ODF2L: variants seen among roughly 807,000 people sequenced by gnomAD.
ODF2L encodes protein BCAP.
ODF2L carries 76 observed loss-of-function variants against 86.3 expected under a neutral mutation model. That is an observed-to-expected ratio of 0.88 (90% CI 0.73 to 1.07). The LOEUF (loss-of-function observed/expected upper bound fraction) is 1.07. Ranked by LOEUF, ODF2L falls within the 50% of genes least tolerant of loss-of-function variation. ODF2L has a pLI of 0.00. For synonymous variants in ODF2L, 241 were observed against 231.3 expected (o/e 1.04, Z -0.38); for missense variants, 748 against 717.4 (o/e 1.04, Z -0.49).
At chr1:86,370,525 G>GT (rs2101018228) in intron 10 of ODF2L, among the ~76,000 whole-genome samples, 1 of 152,064 alleles carries the variant, frequency 6.6e-6, no homozygotes, top group South Asian at 2.1e-4. Context: ...GTTCCATCTG[G>GT]TTGTATGTAT....
At chr1:86,376,060 G>T (rs1660147476) in intron 8 of ODF2L, among the ~76,000 whole-genome samples, 173 bp downstream of exon 8, 1 of 152,008 alleles carries the variant, frequency 6.6e-6, no homozygotes, top group African/African-American at 2.4e-5. Context: ...ATGAAAATTT[G>T]ACATTTTATG....
chr1:86,355,008 A>G (rs1188725585), intron 14 of ODF2L, 149 bp from the exon 14 acceptor site: 3 of 558,358 alleles, frequency 5.4e-6, no homozygotes, highest in Non-Finnish European at 9.4e-6. Flanking sequence ...AAAATGTTAT[A>G]TTGTTAAAAT....
At chr1:86,368,159 T>A (rs1223725836) in intron 11 of ODF2L, among the ~76,000 whole-genome samples, 1 of 152,204 alleles carries the variant, frequency 6.6e-6, no homozygotes, top group African/African-American at 2.4e-5. Flanking sequence ...TCTTTGATCA[T>A]GAGCCCTATC....
At chr1:86,395,225 T>C (rs910445127) in intron 1 of ODF2L, among the ~76,000 whole-genome samples, 5 of 152,210 alleles carry the variant, frequency 3.3e-5, no homozygotes. Flanking sequence ...AACCGTACTA[T>C]GCGTTGCGTG....
chr1:86,368,493 C>T (rs1426093025), intron 11 of ODF2L: 11 of 628,982 alleles, frequency 1.7e-5, no homozygotes, highest in Non-Finnish European at 2.3e-5. Flanking sequence ...AAATTTAAAA[C>T]TAGCTCCTCA....
At position 86,388,170 on chromosome 1, in the gene ODF2L, T is replaced by C. The variant is rs139249169; in HGVS notation, c.-59-1084A>G. Among the ~76,000 whole-genome samples, 9 of 152,234 alleles carry C rather than the reference T, an allele frequency of 5.9e-5. No homozygotes were observed. The East Asian group carries it at 1.7e-3, about 29-fold the overall frequency. ...GTAACCAACAGATAGTCTAGGATGA[T>C]TCCCTTGAATGCTGCAAATATGCAA... On this transcript the variant is annotated intron_variant, in intron 1 of 17. Transcript: ENST00000317336.
intron 10 of ODF2L, among the ~76,000 whole-genome samples, 176 bp downstream of exon 10, chr1:86,370,842 C>G (rs1659743433): frequency 6.6e-6 from 1 of 152,142 alleles, no homozygotes; most frequent in African/African-American, 2.4e-5. Flanking sequence ...GGCAAAGAGA[C>G]AGTCAACTTC....
At chr1:86,391,059 A>G (rs1661289652) in intron 1 of ODF2L, among the ~76,000 whole-genome samples, 1 of 152,228 alleles carries the variant, frequency 6.6e-6, no homozygotes, top group Non-Finnish European at 1.5e-5. Context: ...TCAAATCAAG[A>G]ACTCAACCAC....
rs544243820 is a variant in ODF2L at position 86,390,045 on chromosome 1, G to A, written c.-59-2959C>T. 2.8e-4 allele frequency among the ~76,000 whole-genome samples: 43 copies of A among 152,220 alleles called. No individual in the cohort carries two copies. In the East Asian group the frequency reaches 3.3e-3, roughly 12 times the overall value. On this transcript the variant is annotated intron_variant, in intron 1 of 17. Coordinates refer to ENST00000317336, the Ensembl canonical transcript of ODF2L. Reference sequence around the variant, plus strand: ...CTCCCTAAATCATTCTATGAAACCAGTATCACCCTAATGCCAAAACCAGGA... The same window carrying A: ...CTCCCTAAATCATTCTATGAAACCAATATCACCCTAATGCCAAAACCAGGA...
chr1:86,393,903 A>G (rs1661512471), intron 1 of ODF2L, among the ~76,000 whole-genome samples: 3 of 152,178 alleles, frequency 2.0e-5, no homozygotes, highest in Non-Finnish European at 4.4e-5. Flanking sequence ...TACTGTTTAA[A>G]CTCGGACACT....
intron 11 of ODF2L, among the ~76,000 whole-genome samples, chr1:86,362,528 C>T (rs1192492480): frequency 6.6e-6 from 1 of 152,088 alleles, no homozygotes; most frequent in East Asian, 1.9e-4. Flanking sequence ...TGAGCTGAGG[C>T]GATCCTCCCA....
intron 7 of ODF2L, among the ~76,000 whole-genome samples, chr1:86,381,748 A>G (rs568068541): frequency 7.9e-5 from 12 of 152,144 alleles, no homozygotes; most frequent in Non-Finnish European, 8.8e-5. Flanking sequence ...TTGTTTAATA[A>G]GGGAATTACT....
rs576362249 is a variant in ODF2L at position 86,368,723 on chromosome 1, C to A, written c.1057-1G>T. ...CAGTAATTCTACATGGGAATCTAAG[C>A]TAAAGACAATACAACAAAAAGTTTA... On this transcript the variant is annotated splice_acceptor_variant, in intron 10 of 17. Transcript: ENST00000317336. LOFTEE classifies it high-confidence loss of function. 2 of 1,432,192 alleles carry A rather than the reference C, an allele frequency of 1.4e-6. No homozygotes were observed. The highest frequency in any genetic ancestry group is 1.5e-5 in the South Asian group (1 of 64,712). The allele number at this position is 1,432,192 out of a possible 1,614,324, so 88.7% of individuals were successfully genotyped here.
At chr1:86,390,421 GA>G (rs58388853) in intron 1 of ODF2L, among the ~76,000 whole-genome samples, 47,994 of 150,108 alleles carry the variant, frequency 0.32, 7,706 homozygotes, top group East Asian at 0.41. Flanking sequence ...TCCGTCTCAA[GA>G]AAAAAAAAAT....
chr1:86,381,283 G>C (rs545452876), intron 7 of ODF2L, among the ~76,000 whole-genome samples: 2 of 152,194 alleles, frequency 1.3e-5, no homozygotes, highest in East Asian at 3.9e-4. Context: ...TATCTAATAT[G>C]TTCAATCATA....
intron 1 of ODF2L, among the ~76,000 whole-genome samples, 169 bp from the exon 2 acceptor site, chr1:86,387,255 TCATAGCA>T (rs1661021521): frequency 6.6e-6 from 1 of 152,224 alleles, no homozygotes; most frequent in Non-Finnish European, 1.5e-5. Flanking sequence ...TATCAAAATT[TCATAGCA>T]CAACCACTCA....
intron 3 of ODF2L, among the ~76,000 whole-genome samples, chr1:86,385,162 ATTTTAG>A: frequency 6.6e-6 from 1 of 151,978 alleles, no homozygotes; most frequent in East Asian, 1.9e-4. Flanking sequence ...CTCTCAGAAG[ATTTTAG>A]TTTAAAATTC....
At position 86,352,167 on chromosome 1, in the gene ODF2L, A is replaced by G. The variant is rs553599279; in HGVS notation, c.*24T>C. 3.0e-5 allele frequency: 45 copies of G among 1,519,222 alleles called. 1 individual carries two copies. Among genetic ancestry groups the G allele is most frequent in the East Asian group, 1.5e-4 (6 of 39,960 alleles). The allele number at this position is 1,519,222 out of a possible 1,614,324, so 94.1% of individuals were successfully genotyped here. A position where few individuals can be genotyped will look rare whatever the true frequency, so the allele number is the denominator to read the frequency against. On this transcript the variant is annotated 3_prime_UTR_variant, in exon 18 of 18. Coordinates refer to ENST00000317336, the Ensembl canonical transcript of ODF2L. ...CTTTTAGGTTTTCAACTTTTTAGACACTTGGGAATTAAAAAAATAGATTTC... is the reference window on the plus strand; with the variant it reads ...CTTTTAGGTTTTCAACTTTTTAGACGCTTGGGAATTAAAAAAATAGATTTC...
chr1:86,347,198 A>G (rs1246540410), downstream of ODF2L: 2 of 152,184 alleles, frequency 1.3e-5, no homozygotes, highest in South Asian at 2.1e-4. Flanking sequence ...CTTTTTGCTT[A>G]CATTTTTCAT....
Sources: gnomAD v4.1 joint callset for allele counts (sites outside exome capture counted in the v4.1 genomes callset) on GRCh38, gnomAD v4.1.1 for gene constraint, MANE v1.5 for transcripts, NCBI Gene and HGNC (gene_info 2026-07-23, HGNC 2026-07-21) for gene names.